The following MT1A variants were observed in gnomAD, a reference collection of about 807,000 sequenced individuals.
MT1A encodes metallothionein 1A, also known as metallothionein-1A.
In MT1A, 6 loss-of-function variants were observed where a neutral mutation model predicts 5.5. The ratio of observed to expected loss-of-function variants is 1.09; its 90% CI spans 0.60 to 2.16. The LOEUF is 2.16. Among genes scored for constraint, MT1A ranks in the 30% most tolerant of loss-of-function variants. The pLI is 0.00. For synonymous variants in MT1A, 23 were observed against 24.8 expected (o/e 0.93, Z 0.21); for missense variants, 69 against 73.4 (o/e 0.94, Z 0.22).
At chr16:56,639,128 A>G (rs1331885967) in intron 1 of MT1A, 136 bp from the exon 2 acceptor site, 2 of 1,057,126 alleles carry the variant, frequency 1.9e-6, no homozygotes, top group Non-Finnish European at 2.8e-6. Flanking sequence ...GATAGAAGTA[A>G]GATTAGGCTT....
intron 2 of MT1A, 117 bp from the exon 3 acceptor site, chr16:56,639,742 C>A: frequency 2.2e-6 from 3 of 1,342,536 alleles, no homozygotes; most frequent in South Asian, 1.3e-5. Context: ...ACAGTGCATG[C>A]CATCCTGAAC....
rs1255430525 is a variant in MT1A, at chr16:56,638,689, A to G, written c.-50A>G. The G allele has an allele frequency of 6.2e-6, 10 of 1,611,112 alleles. No individual in the cohort carries two copies. Among genetic ancestry groups the G allele is most frequent in the Non-Finnish European group, 8.5e-6 (10 of 1,177,348 alleles). ...CTACCAAGCCTTCCACGTGCGCCTT[A>G]TAGCCTCTCAACTTCTTGCTTGGGA... On this transcript the variant is annotated 5_prime_UTR_variant, in exon 1 of 3. Transcript: ENST00000290705.
In MT1A at chr16:56,639,477, C is replaced by G. The variant is rs72487915; in HGVS notation, c.94+148C>G. The G allele has an allele frequency of 2.1e-3, 2,299 of 1,072,172 alleles. 38 individuals carry two copies. The East Asian group carries it at 0.037, about 17-fold the overall frequency. The allele number at this position is 1,072,172 out of a possible 1,614,324, so 66.4% of individuals were successfully genotyped here. ...TCAGGATCAGAGCCAGATCTTTAGACGTGATGGATTCCCAAGTTTCGTTCT... is the reference window on the plus strand; with the variant it reads ...TCAGGATCAGAGCCAGATCTTTAGAGGTGATGGATTCCCAAGTTTCGTTCT... On this transcript the variant is annotated intron_variant, in intron 2 of 2. Transcript: ENST00000290705.
chr16:56,638,694 C>G lies in MT1A; in HGVS notation c.-45C>G, dbSNP rs781286537. 5 of 1,612,434 alleles carry G rather than the reference C, an allele frequency of 3.1e-6. No homozygotes were observed. In the Admixed American group the frequency reaches 5.0e-5, roughly 16 times the overall value. ...AAGCCTTCCACGTGCGCCTTATAGC[C>G]TCTCAACTTCTTGCTTGGGATCTCC... On this transcript the variant is annotated 5_prime_UTR_variant, in exon 1 of 3. Coordinates refer to ENST00000290705, the MANE Select transcript of MT1A (RefSeq NM_005946.3).
At chr16:56,638,821 A>G in intron 1 of MT1A, 55 bp downstream of exon 1, 1 of 1,602,534 alleles carries the variant, frequency 6.2e-7, no homozygotes, top group Non-Finnish European at 8.5e-7. Flanking sequence ...GCCACAGGAT[A>G]GATGTCCCTA....
chr16:56,639,385 A>G (rs755916204), intron 2 of MT1A, 56 bp downstream of exon 2: 20 of 1,570,282 alleles, frequency 1.3e-5, no homozygotes, highest in Non-Finnish European at 1.8e-5. Context: ...GAGGCAGGAA[A>G]CCAGAGCTGG....
chr16:56,639,477 C>A, intron 2 of MT1A, 148 bp downstream of exon 2: 1 of 1,072,174 alleles, frequency 9.3e-7, no homozygotes, highest in Non-Finnish European at 1.4e-6. Context: ...GATCTTTAGA[C>A]GTGATGGATT....
Position 56,639,277 on chromosome 16 carries a change from CTGCACT to C in MT1A, c.43_48del (p.Cys15_Thr16del). Reference sequence around the variant, plus strand: ...TCTTCCTTGCAGGTGGCTCCTGCACCTGCACTGGCTCCTGCAAATGCAAAGAGTGCA... The same window carrying C: ...TCTTCCTTGCAGGTGGCTCCTGCACCGGCTCCTGCAAATGCAAAGAGTGCA... On this transcript the variant is annotated inframe_deletion, in exon 2 of 3. Coordinates refer to ENST00000290705, the MANE Select transcript of MT1A (RefSeq NM_005946.3). 1.2e-6 allele frequency: 2 copies of C among 1,612,086 alleles called. No individual in the cohort carries two copies. Among genetic ancestry groups the C allele is most frequent in the South Asian group, 2.2e-5 (2 of 91,062 alleles).
Position 56,638,673 on chromosome 16 carries a change from C to T in MT1A, c.-66C>T. On this transcript the variant is annotated 5_prime_UTR_variant, in exon 1 of 3. Coordinates refer to ENST00000290705, the MANE Select transcript of MT1A (RefSeq NM_005946.3). ...CGCTGGCTGCTGGGCCCTACCAAGC[C>T]TTCCACGTGCGCCTTATAGCCTCTC... 2 of 1,583,480 alleles carry T rather than the reference C, an allele frequency of 1.3e-6. No homozygotes were observed. Among genetic ancestry groups the T allele is most frequent in the Non-Finnish European group, 1.7e-6 (2 of 1,152,440 alleles).
intron 2 of MT1A, 81 bp downstream of exon 2, chr16:56,639,410 G>T (rs1050546314): frequency 6.9e-7 from 1 of 1,457,106 alleles, no homozygotes; most frequent in Non-Finnish European, 9.6e-7. Flanking sequence ...GGAGGAGTAG[G>T]CCAATGATCC....
In MT1A at chr16:56,639,868, C is replaced by T. The variant is rs1960421886; in HGVS notation, c.104C>T (p.Ser35Phe). 1.2e-6 allele frequency: 2 copies of T among 1,614,176 alleles called. No homozygotes were observed. The highest frequency in any genetic ancestry group is 1.7e-5 in the Admixed American group (1 of 60,022). The change falls in exon 3 of 3, where the codon TCC becomes TTC. Residue 35 changes from serine (S) to phenylalanine (F), a missense_variant. By Grantham distance (155) the Ser-to-Phe change is radical (BLOSUM62 -2). Coordinates refer to ENST00000290705, the MANE Select transcript of MT1A (RefSeq NM_005946.3). ...KCTSCKKSCC[S>F]CCPMSCAKCA... ...CTCCCTTCTTCCCCAGGCTGCTGCTCCTGCTGCCCCATGAGCTGTGCCAAG... is the reference window on the plus strand; with the variant it reads ...CTCCCTTCTTCCCCAGGCTGCTGCTTCTGCTGCCCCATGAGCTGTGCCAAG...
At position 56,638,680 on chromosome 16, in the gene MT1A, G is replaced by C; in HGVS notation, c.-59G>C. ...TGCTGGGCCCTACCAAGCCTTCCACGTGCGCCTTATAGCCTCTCAACTTCT... is the reference window on the plus strand; with the variant it reads ...TGCTGGGCCCTACCAAGCCTTCCACCTGCGCCTTATAGCCTCTCAACTTCT... On this transcript the variant is annotated 5_prime_UTR_variant, in exon 1 of 3. Coordinates refer to ENST00000290705, the MANE Select transcript of MT1A (RefSeq NM_005946.3). 1 of 1,600,786 alleles carries C rather than the reference G, an allele frequency of 6.2e-7. No homozygotes were observed. The highest frequency in any genetic ancestry group is 8.6e-7 in the Non-Finnish European group (1 of 1,168,106).
chr16:56,639,729 C>A, intron 2 of MT1A, 130 bp from the exon 3 acceptor site: 1 of 1,233,178 alleles, frequency 8.1e-7, no homozygotes. Context: ...TCTCCCATCT[C>A]CGACAGTGCA....
chr16:56,638,840 G>C, intron 1 of MT1A, 74 bp downstream of exon 1: 1 of 1,576,900 alleles, frequency 6.3e-7, no homozygotes, highest in Non-Finnish European at 8.7e-7. Flanking sequence ...TAGGAGTAGA[G>C]GTGTTTTTTG....
chr16:56,639,306 G>A lies in MT1A; in HGVS notation c.71G>A (p.Cys24Tyr). ...ACTGGCTCCTGCAAATGCAAAGAGT[G>A]CAAATGCACCTCCTGCAAGAAGAGT... ...TCTGSCKCKE[C>Y]KCTSCKKSCC... The change falls in exon 2 of 3, where the codon TGC becomes TAC. Residue 24 changes from cysteine (C) to tyrosine (Y), a missense_variant. Coordinates refer to ENST00000290705, the MANE Select transcript of MT1A (RefSeq NM_005946.3). The A allele has an allele frequency of 6.2e-7, 1 of 1,612,182 alleles. No individual in the cohort carries two copies. The highest frequency in any genetic ancestry group is 2.2e-5 in the East Asian group (1 of 44,842).
At chr16:56,639,181 C>A in intron 1 of MT1A, 83 bp from the exon 2 acceptor site, 1 of 1,484,054 alleles carries the variant, frequency 6.7e-7, no homozygotes, top group Non-Finnish European at 9.4e-7. Context: ...TCAGGCCTGG[C>A]AATGCACTCA....
chr16:56,638,798 T>C, intron 1 of MT1A, 32 bp downstream of exon 1: 1 of 1,613,186 alleles, frequency 6.2e-7, no homozygotes, highest in Non-Finnish European at 8.5e-7. Context: ...GTCCTTAGGA[T>C]ACCTATTTCC....
At chr16:56,639,792 C>A (rs1333499368) in intron 2 of MT1A, 67 bp from the exon 3 acceptor site, 11 of 1,603,678 alleles carry the variant, frequency 6.9e-6, no homozygotes, top group Non-Finnish European at 8.5e-6. Flanking sequence ...TTGGGCCAGG[C>A]TTCTCTGGGG....
rs1407760876 is a variant in MT1A at position 56,638,730 on chromosome 16, C to T, written c.-9C>T. The stretch of plus-strand genomic sequence containing the variant: ...TTGCTTGGGATCTCCAACCTCACCG[C>T]GGCTCGAAATGGACCCCAACTGCTC... On this transcript the variant is annotated 5_prime_UTR_variant, in exon 1 of 3. Transcript: ENST00000290705. The T allele has an allele frequency of 6.2e-7, 1 of 1,614,164 alleles. No homozygotes were observed. Among genetic ancestry groups the T allele is most frequent in the Non-Finnish European group, 8.5e-7 (1 of 1,180,026 alleles).
Sources: gnomAD v4.1 joint callset for allele counts on GRCh38, gnomAD v4.1.1 for gene constraint, MANE v1.5 for transcripts, NCBI Gene and HGNC (gene_info 2026-07-23, HGNC 2026-07-21) for gene names.